LEKR1: variants seen among roughly 807,000 people sequenced by gnomAD.
LEKR1 encodes the protein leucine, glutamate and lysine rich 1.
A neutral mutation model predicts 72.4 loss-of-function variants in LEKR1; 59 were observed. The observed-to-expected ratio is 0.82, with a 90% CI of 0.66 to 1.01. The LOEUF (loss-of-function observed/expected upper bound fraction) is 1.01. Among genes scored for constraint, LEKR1 ranks in the 50% least tolerant of loss-of-function variants. The probability of loss-of-function intolerance (pLI) is 0.00; values close to 1 mark genes in which losing one functional copy is unlikely to be tolerated. For synonymous variants in LEKR1, 257 were observed against 263.2 expected (o/e 0.98, Z 0.23); for missense variants, 728 against 759.2 (o/e 0.96, Z 0.48).
chr3:156,970,451 T>G (rs1560116230), intron 6 of LEKR1, among the ~76,000 whole-genome samples: 1 of 152,204 alleles, frequency 6.6e-6, no homozygotes, highest in Admixed American at 6.5e-5. Context: ...TCTAGGGTTT[T>G]TATGGTTTTA....
At chr3:156,829,480 T>G in intron 2 of LEKR1, 103 bp downstream of exon 2, 1 of 692,512 alleles carries the variant, frequency 1.4e-6, no homozygotes, top group Non-Finnish European at 2.4e-6. Flanking sequence ...TCATAGGATC[T>G]GAATGAATTG....
At chr3:156,828,794 T>G (rs1257815883) in intron 1 of LEKR1, among the ~76,000 whole-genome samples, 1 of 152,244 alleles carries the variant, frequency 6.6e-6, no homozygotes, top group Non-Finnish European at 1.5e-5. Flanking sequence ...GTTCAGTGTT[T>G]GCATATCATA....
chr3:157,019,513 T>C (rs962631449), intron 10 of LEKR1, among the ~76,000 whole-genome samples: 1 of 152,152 alleles, frequency 6.6e-6, no homozygotes, highest in African/African-American at 2.4e-5. Flanking sequence ...AAACCTGGGA[T>C]GTGTACAAAG....
intron 6 of LEKR1, among the ~76,000 whole-genome samples, chr3:156,972,005 G>T (rs1729242321): frequency 6.6e-6 from 1 of 152,144 alleles, no homozygotes; most frequent in Non-Finnish European, 1.5e-5. Flanking sequence ...ATACTGAAAG[G>T]ATTATAAATC....
intron 3 of LEKR1, among the ~76,000 whole-genome samples, chr3:156,900,706 G>C (rs1342881049): frequency 6.6e-6 from 1 of 152,174 alleles, no homozygotes; most frequent in Non-Finnish European, 1.5e-5. Flanking sequence ...GTTTGCTAGA[G>C]TATTTGGCTT....
rs972812997 is a variant in LEKR1, at chr3:156,911,316, A to T, written c.264-9259A>T. 2.6e-5 allele frequency among the ~76,000 whole-genome samples: 4 copies of T among 151,086 alleles called. No individual in the cohort carries two copies. The Admixed American group carries it at 2.6e-4, about 10-fold the overall frequency. On this transcript the variant is annotated intron_variant, in intron 3 of 12. Transcript: ENST00000356539. ...TCTCAAAAAATTTTCTTTGAGAAAT[A>T]TTTTTTATGTCCTTTGTCCACTTTC...
At chr3:156,832,510 C>A (rs1044323752) in intron 2 of LEKR1, among the ~76,000 whole-genome samples, 5 of 152,184 alleles carry the variant, frequency 3.3e-5, no homozygotes, top group Non-Finnish European at 7.3e-5. Context: ...GCATAAAATG[C>A]AGCAAGAATA....
At chr3:157,000,984 T>G (rs1041161685) in intron 9 of LEKR1, among the ~76,000 whole-genome samples, 1 of 152,208 alleles carries the variant, frequency 6.6e-6, no homozygotes, top group African/African-American at 2.4e-5. Flanking sequence ...GCACATCTCC[T>G]TCCTGCTACA....
intron 3 of LEKR1, among the ~76,000 whole-genome samples, chr3:156,882,480 A>G (rs1038489286): frequency 7.9e-5 from 12 of 152,324 alleles, no homozygotes; most frequent in Middle Eastern, 3.4e-3. Context: ...TAGAATGGCA[A>G]TCATTAAAAA....
chr3:156,992,678 T>C lies in LEKR1; in HGVS notation c.853T>C (p.Cys285Arg), dbSNP rs1189034644. Reference sequence around the variant, plus strand: ...GAATAAATCTAATGAAGCTGATGACTGTCAAAGAGAACTTAAAAAACTGAA... The same window carrying C: ...GAATAAATCTAATGAAGCTGATGACCGTCAAAGAGAACTTAAAAAACTGAA... ...LMNKSNEADDCQRELKKLKFE... is the reference protein window; with the variant it reads ...LMNKSNEADDRQRELKKLKFE... The change falls in exon 8 of 13, where the codon TGT becomes CGT. Residue 285 changes from cysteine to arginine, a missense_variant. Transcript: ENST00000356539. 2.0e-6 allele frequency: 2 copies of C among 996,988 alleles called. No homozygotes were observed. Among genetic ancestry groups the C allele is most frequent in the Non-Finnish European group, 2.5e-6 (2 of 786,216 alleles). 61.8% of individuals were successfully genotyped at this position (996,988 alleles called of 1,614,324 possible).
chr3:157,038,441 A>G (rs1002777578), intron 12 of LEKR1, among the ~76,000 whole-genome samples: 4 of 152,196 alleles, frequency 2.6e-5, no homozygotes, highest in Non-Finnish European at 4.4e-5. Context: ...TCCATAGGGA[A>G]GGCAAGCTGG....
At chr3:156,881,896 G>A (rs1420244874) in intron 3 of LEKR1, among the ~76,000 whole-genome samples, 1 of 148,126 alleles carries the variant, frequency 6.8e-6, no homozygotes, top group Non-Finnish European at 1.5e-5. Flanking sequence ...AACAAGCAAT[G>A]GGGAAAGGAT....
Position 157,023,897 on chromosome 3 carries a change from A to G in LEKR1, c.1204-863A>G, listed in dbSNP as rs1734016678. On this transcript the variant is annotated intron_variant, in intron 10 of 12. Coordinates refer to ENST00000356539, the MANE Select transcript of LEKR1 (RefSeq NM_001004316.3). Reference sequence around the variant, plus strand: ...CCTTTCAGTGGGGTTACATCCTGATAAACCCATCATAAATTGAAGGTATTG... The same window carrying G: ...CCTTTCAGTGGGGTTACATCCTGATGAACCCATCATAAATTGAAGGTATTG... Among the ~76,000 whole-genome samples the G allele has an allele frequency of 2.0e-5, 3 of 152,344 alleles. No individual in the cohort carries two copies. In the South Asian group the frequency reaches 6.2e-4, roughly 32 times the overall value.
chr3:156,865,478 T>C (rs1209115748), intron 3 of LEKR1, among the ~76,000 whole-genome samples: 1 of 152,070 alleles, frequency 6.6e-6, no homozygotes, highest in Non-Finnish European at 1.5e-5. Context: ...GCATTATCTT[T>C]GATTCTTCCC....
At chr3:156,964,971 T>C (rs1728441944) in intron 6 of LEKR1, among the ~76,000 whole-genome samples, 1 of 152,184 alleles carries the variant, frequency 6.6e-6, no homozygotes, top group Admixed American at 6.5e-5. Flanking sequence ...TGTAGGTCCA[T>C]GTCCCTTCCT....
At chr3:156,966,317 A>G (rs1427494914) in intron 6 of LEKR1, among the ~76,000 whole-genome samples, 1 of 152,044 alleles carries the variant, frequency 6.6e-6, no homozygotes, top group Non-Finnish European at 1.5e-5. Context: ...GTGTGAGCTG[A>G]AGCAGGGTGA....
intron 9 of LEKR1, among the ~76,000 whole-genome samples, chr3:156,998,907 C>A (rs1213589639): frequency 2.0e-5 from 3 of 152,096 alleles, no homozygotes; most frequent in African/African-American, 7.2e-5. Flanking sequence ...ACCCAAATTT[C>A]ATCTTGAATT....
chr3:156,969,407 C>A (rs1035806363), intron 6 of LEKR1, among the ~76,000 whole-genome samples: 42 of 152,094 alleles, frequency 2.8e-4, no homozygotes, highest in African/African-American at 9.2e-4. Flanking sequence ...AGACAAGAAT[C>A]AAATAGACGC....
intron 6 of LEKR1, among the ~76,000 whole-genome samples, chr3:156,949,516 C>T (rs1726972858): frequency 6.6e-6 from 1 of 151,468 alleles, no homozygotes; most frequent in Admixed American, 6.6e-5. Context: ...GTCCATTGGT[C>T]TGTGTGCCTG....
Sources: allele counts gnomAD v4.1 joint callset (sites outside exome capture counted in the v4.1 genomes callset), GRCh38; gene constraint gnomAD v4.1.1; transcripts MANE v1.5; gene names NCBI Gene and HGNC (gene_info 2026-07-23, HGNC 2026-07-21).